The following MAGI2 variants were observed in gnomAD, a reference collection of about 807,000 sequenced individuals.
MAGI2 encodes membrane associated guanylate kinase, WW and PDZ domain containing 2.
A neutral mutation model predicts 133.3 loss-of-function variants in MAGI2; 35 were observed. The ratio of observed to expected loss-of-function variants is 0.26; its 90% CI spans 0.20 to 0.35. MAGI2 has a LOEUF of 0.35. Among genes scored for constraint, MAGI2 ranks in the 10% least tolerant of loss-of-function variants. The pLI is 1.00. For missense variants in MAGI2, 1,636 were observed against 1,863.4 expected, an observed-to-expected ratio of 0.88 and a Z score of 2.25; for synonymous variants, 729 against 710.6, an observed-to-expected ratio of 1.03 and a Z score of -0.41.
intron 9 of MAGI2, among the ~76,000 whole-genome samples, chr7:78,288,396 C>CTGTT (rs2151032134): frequency 6.6e-6 from 1 of 152,284 alleles, no homozygotes; most frequent in South Asian, 2.1e-4. Context: ...TAATCATGTA[C>CTGTT]TGTTTAACTT....
At chr7:79,429,154 G>T (rs1182746391) in intron 1 of MAGI2, among the ~76,000 whole-genome samples, 2 of 151,968 alleles carry the variant, frequency 1.3e-5, no homozygotes, top group Non-Finnish European at 2.9e-5. Flanking sequence ...TTTATTAAAA[G>T]TAAAATATTC....
At chr7:78,283,696 G>A (rs1795855377) in intron 9 of MAGI2, among the ~76,000 whole-genome samples, 1 of 152,070 alleles carries the variant, frequency 6.6e-6, no homozygotes, top group African/African-American at 2.4e-5. Context: ...GATCTAGCTT[G>A]TGTACTCAGG....
At chr7:78,852,024 T>G (rs1793177062) in intron 2 of MAGI2, among the ~76,000 whole-genome samples, 2 of 152,302 alleles carry the variant, frequency 1.3e-5, no homozygotes, top group Non-Finnish European at 1.5e-5. Flanking sequence ...TGAATGCTAA[T>G]TGTTCCACAT....
In MAGI2 at chr7:79,169,727, C is replaced by T. The variant is rs77352185; in HGVS notation, c.302-162521G>A. Among the ~76,000 whole-genome samples, 82 of 152,140 alleles carry T rather than the reference C, an allele frequency of 5.4e-4. No homozygotes were observed. The East Asian group carries it at 0.016, about 29-fold the overall frequency. On this transcript the variant is annotated intron_variant, in intron 1 of 21. Transcript: ENST00000354212. Reference sequence around the variant, plus strand: ...AAGAATCATATAGCAGTTTACTGAACTTACAATTAAATTTTCTAAAAAGAT... The same window carrying T: ...AAGAATCATATAGCAGTTTACTGAATTTACAATTAAATTTTCTAAAAAGAT...
chr7:79,023,063 T>C (rs1006461547), intron 1 of MAGI2, among the ~76,000 whole-genome samples: 3 of 152,192 alleles, frequency 2.0e-5, no homozygotes, highest in Non-Finnish European at 2.9e-5. Context: ...ATATCATTTA[T>C]GAATATAGAT....
chr7:78,658,965 G>A (rs933971456), intron 2 of MAGI2, among the ~76,000 whole-genome samples: 1 of 152,072 alleles, frequency 6.6e-6, no homozygotes. Context: ...GCACTGTTGG[G>A]CATTTATCCC....
chr7:79,373,108 T>C (rs10263750), intron 1 of MAGI2, among the ~76,000 whole-genome samples: 3,218 of 152,164 alleles, frequency 0.021, 97 homozygotes, highest in African/African-American at 0.075. Flanking sequence ...ATATTATCAT[T>C]TGGTAATCTT....
At chr7:78,982,483 A>AT (rs201760227) in intron 2 of MAGI2, among the ~76,000 whole-genome samples, 17 of 151,074 alleles carry the variant, frequency 1.1e-4, no homozygotes, top group Non-Finnish European at 1.9e-4. Context: ...TTCAAAACCA[A>AT]TTTTTTTTTA....
chr7:78,403,456 A>G (rs1166167905), intron 6 of MAGI2, among the ~76,000 whole-genome samples: 2 of 152,152 alleles, frequency 1.3e-5, no homozygotes, highest in Non-Finnish European at 2.9e-5. Context: ...GCCGCAATAA[A>G]CATACGTGTG....
At position 79,238,736 on chromosome 7, in the gene MAGI2, T is replaced by C. The variant is rs191432497; in HGVS notation, c.301+214284A>G. 3.8e-4 allele frequency among the ~76,000 whole-genome samples: 58 copies of C among 152,318 alleles called. No individual in the cohort carries two copies. In the East Asian group the frequency reaches 0.011, roughly 28 times the overall value. On this transcript the variant is annotated intron_variant, in intron 1 of 21. Coordinates refer to ENST00000354212, the MANE Select transcript of MAGI2 (RefSeq NM_012301.4). ...GCTTTGGATAAGAACTTTGAAATCTTACATGAGCATAAACCCTATCTTTGA... is the reference window on the plus strand; with the variant it reads ...GCTTTGGATAAGAACTTTGAAATCTCACATGAGCATAAACCCTATCTTTGA...
chr7:78,375,817 TG>T (rs1794397270), intron 6 of MAGI2, among the ~76,000 whole-genome samples: 1 of 152,100 alleles, frequency 6.6e-6, no homozygotes, highest in Non-Finnish European at 1.5e-5. Flanking sequence ...ATACAGCTTT[TG>T]CTCCTAGTTG....
At chr7:78,371,457 C>T (rs1339829297) in intron 6 of MAGI2, among the ~76,000 whole-genome samples, 3 of 151,970 alleles carry the variant, frequency 2.0e-5, no homozygotes, top group East Asian at 1.9e-4. Flanking sequence ...AAAAGCCTAA[C>T]GTAGTTAACT....
chr7:78,062,547 T>C (rs144407791), intron 21 of MAGI2, among the ~76,000 whole-genome samples: 93 of 152,348 alleles, frequency 6.1e-4, no homozygotes, highest in African/African-American at 1.7e-3. Context: ...CTTTTCTCTC[T>C]GGTTCTCTTC....
chr7:78,972,303 T>G (rs2191724), intron 2 of MAGI2, among the ~76,000 whole-genome samples: 115,987 of 151,694 alleles, frequency 0.76, 44,762 homozygotes, highest in African/African-American at 0.86. Flanking sequence ...TTTCAGAAAA[T>G]ATTTCCTTCC....
At chr7:78,342,003 T>C (rs1408745398) in intron 9 of MAGI2, among the ~76,000 whole-genome samples, 2 of 151,984 alleles carry the variant, frequency 1.3e-5, no homozygotes, top group African/African-American at 4.8e-5. Context: ...CAAAAGAAAC[T>C]ATCATCAAAG....
At chr7:78,301,697 T>C (rs900576229) in intron 9 of MAGI2, among the ~76,000 whole-genome samples, 1 of 152,248 alleles carries the variant, frequency 6.6e-6, no homozygotes, top group Non-Finnish European at 1.5e-5. Flanking sequence ...CTCTGAAGTC[T>C]TATGCTAGCT....
intron 2 of MAGI2, among the ~76,000 whole-genome samples, chr7:78,748,792 G>C (rs1823176374): frequency 6.6e-6 from 1 of 152,096 alleles, no homozygotes; most frequent in African/African-American, 2.4e-5. Flanking sequence ...ACTCCATTAA[G>C]TTTAAGACAT....
intron 2 of MAGI2, among the ~76,000 whole-genome samples, chr7:78,975,982 C>G (rs1804209674): frequency 6.6e-6 from 1 of 151,608 alleles, no homozygotes; most frequent in Non-Finnish European, 1.5e-5. Flanking sequence ...AAATAGCCAA[C>G]TTGAGTAGAT....
At chr7:78,964,496 A>G (rs1023419018) in intron 2 of MAGI2, among the ~76,000 whole-genome samples, 1 of 152,154 alleles carries the variant, frequency 6.6e-6, no homozygotes, top group East Asian at 1.9e-4. Flanking sequence ...AAATCTTTAT[A>G]CAAATTTATG....
Sources: gnomAD v4.1 joint callset for allele counts (sites outside exome capture counted in the v4.1 genomes callset) on GRCh38, gnomAD v4.1.1 for gene constraint, MANE v1.5 for transcripts, NCBI Gene and HGNC (gene_info 2026-07-23, HGNC 2026-07-21) for gene names.